Variants in PARG observed in about 807,000 individuals in gnomAD.
PARG encodes poly(ADP-ribose) glycohydrolase.
PARG carries 35 observed loss-of-function variants against 113.0 expected under a neutral mutation model. That is an observed-to-expected ratio of 0.31 (90% CI 0.24 to 0.41). The LOEUF (loss-of-function observed/expected upper bound fraction) is 0.41. Among genes scored for constraint, PARG ranks in the 10% least tolerant of loss-of-function variants. The pLI, the probability that PARG is intolerant of heterozygous loss-of-function variation, is 1.00. For synonymous variants in PARG, 330 were observed against 409.9 expected, an observed-to-expected ratio of 0.81 and a Z score of 2.36; for missense variants, 797 against 1,169.4, an observed-to-expected ratio of 0.68 and a Z score of 4.64.
chr10:49,936,768 G>A (rs1430920048), intron 1 of PARG, among the ~76,000 whole-genome samples: 1 of 152,106 alleles, frequency 6.6e-6, no homozygotes, highest in Non-Finnish European at 1.5e-5. Flanking sequence ...CAAAACAGAT[G>A]CAGGCTCAAA....
At chr10:49,823,485 A>G (rs995058954) in intron 16 of PARG, among the ~76,000 whole-genome samples, 11 of 152,202 alleles carry the variant, frequency 7.2e-5, no homozygotes, top group African/African-American at 2.4e-4. Flanking sequence ...GGGAGGTGCC[A>G]TGACTATGCC....
At chr10:49,924,718 A>C (rs1480075315) in intron 4 of PARG, among the ~76,000 whole-genome samples, 1 of 151,572 alleles carries the variant, frequency 6.6e-6, no homozygotes, top group Non-Finnish European at 1.5e-5. Context: ...TAAGACTGAC[A>C]AGGCAGACTC....
chr10:49,935,219 T>C lies in PARG; in HGVS notation c.218-77A>G, dbSNP rs1838691137. The C allele has an allele frequency of 1.3e-5, 8 of 639,954 alleles. 1 individual carries two copies. In the South Asian group the frequency reaches 1.5e-4, roughly 12 times the overall value. 39.6% of individuals were successfully genotyped at this position (639,954 alleles called of 1,614,324 possible). A position where few individuals can be genotyped will look rare whatever the true frequency, so the allele number is the denominator to read the frequency against. On this transcript the variant is annotated intron_variant, in intron 1 of 17. Coordinates refer to ENST00000616448, the MANE Select transcript of PARG (RefSeq NM_003631.5). ...AGCATATTGTACATGCAAGGAACTA[T>C]GCTAGGTTCTACAGGTTAAACAAAA...
chr10:49,824,825 C>G (rs1844271748), intron 16 of PARG, among the ~76,000 whole-genome samples: 1 of 152,060 alleles, frequency 6.6e-6, no homozygotes, highest in African/African-American at 2.4e-5. Flanking sequence ...TGTAATTTGT[C>G]TCAGGTCACA....
Position 49,933,963 on chromosome 10 carries a change from T to C in PARG, c.485A>G (p.Lys162Arg), listed in dbSNP as rs2132980060. Residue 162 changes from lysine (K) to arginine (R), a missense_variant, in exon 3 of 18, where the codon AAA becomes AGA. Lys to Arg is a conservative substitution (Grantham distance 26). Coordinates refer to ENST00000616448, the MANE Select transcript of PARG (RefSeq NM_003631.5). ...AAMCKWQNEG[K>R]HTEQLLESEP... ...ACTTTCCAAAAGCTGCTCCGTGTGTTTCCCTTCATTTTGCCACTTACACAT... is the reference window on the plus strand; with the variant it reads ...ACTTTCCAAAAGCTGCTCCGTGTGTCTCCCTTCATTTTGCCACTTACACAT... The C allele has an allele frequency of 1.3e-6, 2 of 1,599,800 alleles. No individual in the cohort carries two copies. The highest frequency in any genetic ancestry group is 4.5e-5 in the East Asian group (2 of 44,806).
intron 8 of PARG, 51 bp downstream of exon 8, chr10:49,885,152 A>T: frequency 1.0e-6 from 1 of 978,042 alleles, no homozygotes; most frequent in South Asian, 1.3e-5. Context: ...GTTTAAGGGA[A>T]ATTCAATTGG....
rs1455756487 is a variant in PARG, at chr10:49,933,990, G to A, written c.458C>T (p.Ala153Val). 9 of 1,604,904 alleles carry A rather than the reference G, an allele frequency of 5.6e-6. No individual in the cohort carries two copies. Among genetic ancestry groups the A allele is most frequent in the Non-Finnish European group, 6.8e-6 (8 of 1,171,770 alleles). ...CCCTTCATTTTGCCACTTACACATT[G>A]CTGCAGTCTGATGCTGGTTCAAATA... ...TQYLNQHQTA[A>V]MCKWQNEGKH... The change falls in exon 3 of 18, where the codon GCA becomes GTA. Residue 153 changes from alanine to valine, a missense_variant. Around this residue, in one of 5 missense-constraint regions of PARG, gnomAD observed 284 missense variants for 306.1 expected, o/e 0.93. Transcript: ENST00000616448.
intron 7 of PARG, among the ~76,000 whole-genome samples, chr10:49,914,430 T>C (rs1427346576): frequency 2.0e-5 from 3 of 152,194 alleles, no homozygotes; most frequent in Admixed American, 2.0e-4. Context: ...GGATAAGTCT[T>C]CCATTATTTA....
At chr10:49,837,222 T>C (rs1175772740) in intron 15 of PARG, among the ~76,000 whole-genome samples, 5 of 152,098 alleles carry the variant, frequency 3.3e-5, no homozygotes, top group Non-Finnish European at 7.4e-5. Context: ...AAGCACTTTG[T>C]AGGATTGGCT....
chr10:49,892,708 C>A (rs1301812768), intron 7 of PARG, among the ~76,000 whole-genome samples: 1 of 152,162 alleles, frequency 6.6e-6, no homozygotes, highest in East Asian at 1.9e-4. Flanking sequence ...ATTCTTCTGA[C>A]CACATATCAA....
At chr10:49,845,268 T>C (rs1305932267) in intron 13 of PARG, among the ~76,000 whole-genome samples, 1 of 152,202 alleles carries the variant, frequency 6.6e-6, no homozygotes, top group Non-Finnish European at 1.5e-5. Flanking sequence ...TTCCTAGATA[T>C]CTACTAAACA....
At chr10:49,919,161 A>G (rs1837662124) in intron 6 of PARG, among the ~76,000 whole-genome samples, 1 of 152,092 alleles carries the variant, frequency 6.6e-6, no homozygotes, top group Non-Finnish European at 1.5e-5. Context: ...GGATGGTCTC[A>G]AACTCCTGAC....
chr10:49,892,772 C>T (rs1554841832), intron 7 of PARG, among the ~76,000 whole-genome samples: 1 of 152,158 alleles, frequency 6.6e-6, no homozygotes, highest in African/African-American at 2.4e-5. Flanking sequence ...CCCATCACTT[C>T]AGTTTGCAGA....
chr10:49,876,941 A>T (rs572955872), intron 9 of PARG, among the ~76,000 whole-genome samples: 62 of 124,776 alleles, frequency 5.0e-4, no homozygotes, highest in African/African-American at 1.7e-3. Flanking sequence ...TATTATATAT[A>T]AAAAAAAAAA....
Position 49,933,830 on chromosome 10 carries a change from G to T in PARG, c.618C>A (p.Asp206Glu). The change falls in exon 3 of 18, where the codon GAC becomes GAA. Residue 206 changes from aspartate to glutamate, a missense_variant. By Grantham distance (45) the Asp-to-Glu change is conservative (BLOSUM62 2). Coordinates refer to ENST00000616448, the MANE Select transcript of PARG (RefSeq NM_003631.5). ...TTACAGTTGTGAGAAACTGTTGATTGTCTCTATTCTCTTCACTATCTGTGT... is the reference window on the plus strand; with the variant it reads ...TTACAGTTGTGAGAAACTGTTGATTTTCTCTATTCTCTTCACTATCTGTGT... ...HSDTDSEENR[D>E]NQQFLTTVKL... 1.2e-6 allele frequency: 2 copies of T among 1,610,564 alleles called. No individual in the cohort carries two copies. The highest frequency in any genetic ancestry group is 4.5e-5 in the East Asian group (2 of 44,870).
intron 7 of PARG, among the ~76,000 whole-genome samples, chr10:49,914,307 A>G (rs1325080788): frequency 6.6e-6 from 1 of 152,254 alleles, no homozygotes; most frequent in African/African-American, 2.4e-5. Context: ...AGTGACAAGG[A>G]TAACGATTAT....
chr10:49,905,143 T>C (rs1396230556), intron 7 of PARG, among the ~76,000 whole-genome samples: 3 of 152,306 alleles, frequency 2.0e-5, no homozygotes, highest in Non-Finnish European at 2.9e-5. Context: ...AAGAGAAGCA[T>C]GAGGTATGTT....
At chr10:49,894,739 T>C (rs1847991357) in intron 7 of PARG, among the ~76,000 whole-genome samples, 2 of 152,234 alleles carry the variant, frequency 1.3e-5, no homozygotes, top group South Asian at 4.1e-4. Context: ...TCAATTTGAT[T>C]GTTATGTCAG....
Position 49,819,123 on chromosome 10 carries a change from G to A in PARG, c.*217C>T. 2.4e-6 allele frequency: 1 copy of A among 419,330 alleles called. No individual in the cohort carries two copies. The highest frequency in any genetic ancestry group is 4.2e-6 in the Non-Finnish European group (1 of 235,572). 26.0% of individuals were successfully genotyped at this position (419,330 alleles called of 1,614,324 possible). On this transcript the variant is annotated 3_prime_UTR_variant, in exon 18 of 18. Coordinates refer to ENST00000616448, the MANE Select transcript of PARG (RefSeq NM_003631.5). The stretch of plus-strand genomic sequence containing the variant: ...TGAAAAACTGAAATAGAAGAAAATA[G>A]AAACAAAACATATCTAAGTCCACGT...
Sources: allele counts gnomAD v4.1 joint callset (sites outside exome capture counted in the v4.1 genomes callset), GRCh38; gene constraint gnomAD v4.1.1; regional missense constraint gnomAD v4.1.1; transcripts MANE v1.5; gene names NCBI Gene and HGNC (gene_info 2026-07-23, HGNC 2026-07-21).